The following POLRMT variants were observed in gnomAD, a reference collection of about 807,000 sequenced individuals.
POLRMT encodes the protein DNA-directed RNA polymerase, mitochondrial.
POLRMT carries 114 observed loss-of-function variants against 132.2 expected under a neutral mutation model. The ratio of observed to expected loss-of-function variants is 0.86; its 90% CI spans 0.74 to 1.01. POLRMT has a LOEUF of 1.01. POLRMT is among the 50% of genes least tolerant of loss of function. POLRMT has a pLI of 0.00. For synonymous variants in POLRMT, 1,020 were observed against 773.4 expected, an observed-to-expected ratio of 1.32 and a Z score of -5.29; for missense variants, 2,003 against 1,729.1, an observed-to-expected ratio of 1.16 and a Z score of -2.81.
chr19:621,703 G>A lies in POLRMT; in HGVS notation c.1995C>T (p.Leu665=), dbSNP rs373851502. 129 of 1,589,912 alleles carry A rather than the reference G, an allele frequency of 8.1e-5. No homozygotes were observed. In the Middle Eastern group the frequency reaches 1.3e-3, roughly 16 times the overall value. Residue 665 remains leucine (L), a synonymous_variant, in exon 10 of 21, where the codon CTC becomes CTT. Transcript: ENST00000588649. ...CCGTGCGCATCAGCTTGGTGGGGCT[G>A]AGCAGGAAAGCACCAGAGTGCGGCG... ...WTSPHSGAFL[L]SPTKLMRTVE...
intron 2 of POLRMT, among the ~76,000 whole-genome samples, chr19:631,131 C>T (rs1459355919): frequency 6.6e-6 from 1 of 151,680 alleles, no homozygotes; most frequent in Admixed American, 6.6e-5. Context: ...TGAACTCCAG[C>T]CTGGGCAACA....
intron 11 of POLRMT, 67 bp from the exon 12 acceptor site, chr19:620,147 C>A (rs868697454): frequency 2.0e-6 from 3 of 1,519,724 alleles, no homozygotes; most frequent in Middle Eastern, 1.7e-4. Flanking sequence ...CCCCAAACCA[C>A]CCCCCAGGTC....
chr19:618,627 A>T, intron 16 of POLRMT, 41 bp from the exon 17 acceptor site: 1 of 1,593,148 alleles, frequency 6.3e-7, no homozygotes, highest in East Asian at 2.3e-5. Flanking sequence ...GCCCAGGGAC[A>T]CCCCTAACTG....
In POLRMT at chr19:621,421, G is replaced by C; in HGVS notation, c.2277C>G (p.Arg759=). 6.7e-7 allele frequency: 1 copy of C among 1,486,490 alleles called. No individual in the cohort carries two copies. The highest frequency in any genetic ancestry group is 8.9e-7 in the Non-Finnish European group (1 of 1,123,324). 92.1% of individuals were successfully genotyped at this position (1,486,490 alleles called of 1,614,324 possible). ...CCTTCTGGCAGTGCGCCAGCTCACG[G>C]CGCAGCTCGGCCTTGCGGGCGGGCG... ...SAAPARKAEL[R]RELAHCQKVA... Residue 759 remains arginine (R), a synonymous_variant, in exon 10 of 21, where the codon CGC becomes CGG. Transcript: ENST00000588649.
chr19:630,609 A>G (rs541109462), intron 2 of POLRMT, among the ~76,000 whole-genome samples: 2 of 152,008 alleles, frequency 1.3e-5, no homozygotes, highest in East Asian at 3.9e-4. Flanking sequence ...GCCTCTGCAC[A>G]GACTCCCAGG....
Position 625,211 on chromosome 19 carries a change from T to C in POLRMT, c.866A>G (p.Asp289Gly). The C allele has an allele frequency of 6.2e-7, 1 of 1,614,034 alleles. No homozygotes were observed. Among genetic ancestry groups the C allele is most frequent in the Non-Finnish European group, 8.5e-7 (1 of 1,179,990 alleles). Reference sequence around the variant, plus strand: ...CAGCAGGTCCGGAGTCAAGCCGGCATCCTTCACCATGAATAACACATATAC... The same window carrying C: ...CAGCAGGTCCGGAGTCAAGCCGGCACCCTTCACCATGAATAACACATATAC... ...ELVYVLFMVKDAGLTPDLLSY... is the reference protein window; with the variant it reads ...ELVYVLFMVKGAGLTPDLLSY... Residue 289 changes from aspartate (D) to glycine (G), a missense_variant, in exon 4 of 21, where the codon GAT (aspartate) becomes GGT (glycine). Coordinates refer to ENST00000588649, the MANE Select transcript of POLRMT (RefSeq NM_005035.4).
rs756499097 is a variant in POLRMT at position 625,163 on chromosome 19, C to T, written c.914G>A (p.Cys305Tyr). The change falls in exon 4 of 21, where the codon TGC (cysteine) becomes TAC (tyrosine). Residue 305 changes from cysteine (C) to tyrosine (Y), a missense_variant. Cys to Tyr is a radical substitution (Grantham distance 194). Coordinates refer to ENST00000588649, the MANE Select transcript of POLRMT (RefSeq NM_005035.4). ...DLLSYAAALQ[C>Y]MGRQDQDAGT... ...GGCGTCCTGGTCCTGCCTCCCCATG[C>T]ACTGGAGGGCAGCCGCATAGGACAG... The T allele has an allele frequency of 7.4e-6, 12 of 1,613,828 alleles. No homozygotes were observed. In the African/African-American group the frequency reaches 1.6e-4, roughly 22 times the overall value.
In POLRMT at chr19:621,857, A is replaced by G; in HGVS notation, c.1852-11T>C. The G allele has an allele frequency of 3.1e-6, 5 of 1,600,926 alleles. No individual in the cohort carries two copies. Among genetic ancestry groups the G allele is most frequent in the Non-Finnish European group, 4.2e-6 (5 of 1,179,686 alleles). On this transcript the variant is annotated splice_polypyrimidine_tract_variant and intron_variant, in intron 9 of 20. Transcript: ENST00000588649. ...CTTCAGGATGCCGATCTGGGGTGCG[A>G]CAGGCAGACGGGTCAGGGCCCCGGT...
intron 1 of POLRMT, 153 bp downstream of exon 1, chr19:633,272 C>G (rs1985561297): frequency 1.0e-6 from 1 of 970,082 alleles, no homozygotes; most frequent in Non-Finnish European, 1.4e-6. Context: ...AGTCGAAAAG[C>G]GGGCAAGGGC....
chr19:622,241 T>C lies in POLRMT; in HGVS notation c.1759A>G (p.Thr587Ala). The C allele has an allele frequency of 1.9e-6, 3 of 1,561,114 alleles. No homozygotes were observed. Among genetic ancestry groups the C allele is most frequent in the Non-Finnish European group, 2.6e-6 (3 of 1,154,944 alleles). ...KLLAEMLVQA[T>A]QMPCSLDKPH... ...TTGTCCAGGCTGCATGGCATCTGCG[T>C]AGCCTGCACCAGCATCTCCGCCAGC... is the stretch of plus-strand genomic sequence containing the variant. The change falls in exon 9 of 21, where the codon ACG becomes GCG. Residue 587 changes from threonine (T) to alanine (A), a missense_variant. Physicochemically the swap from Thr to Ala is moderately conservative, Grantham distance 58. Coordinates refer to ENST00000588649, the MANE Select transcript of POLRMT (RefSeq NM_005035.4).
rs753504545 is a variant in POLRMT at position 619,069 on chromosome 19, G to A, written c.3195C>T (p.Gly1065=). 28 of 1,610,612 alleles carry A rather than the reference G, an allele frequency of 1.7e-5. No homozygotes were observed. Among genetic ancestry groups the A allele is most frequent in the Middle Eastern group, 1.7e-4 (1 of 5,966 alleles). The change falls in exon 15 of 21, where the codon GGC becomes GGT. Residue 1065 remains glycine, a synonymous_variant. Transcript: ENST00000588649. ...GGGGTGTGACCCACTCCACCACAGAGCCCATGTGGGAGATGAGGCGGGCAC... is the reference window on the plus strand; with the variant it reads ...GGGGTGTGACCCACTCCACCACAGAACCCATGTGGGAGATGAGGCGGGCAC... The part of the protein sequence containing the change: ...TESARLISHM[G]SVVEWVTPLG...
At position 618,699 on chromosome 19, in the gene POLRMT, A is replaced by G; in HGVS notation, c.3323+6T>C. On this transcript the variant is annotated splice_donor_region_variant and intron_variant, in intron 16 of 20. Transcript: ENST00000588649. ...GGCCAGGCCCCAGCCCGGGCCCCCC[A>G]CTCACCGGCTGATGTCTCCGTTGTG... The G allele has an allele frequency of 6.2e-7, 1 of 1,606,350 alleles. No homozygotes were observed. The highest frequency in any genetic ancestry group is 1.3e-5 in the African/African-American group (1 of 74,784).
At position 617,226 on chromosome 19, in the gene POLRMT, G is replaced by C. The variant is rs757788612; in HGVS notation, c.*48C>G. On this transcript the variant is annotated 3_prime_UTR_variant, in exon 21 of 21. Transcript: ENST00000588649. ...CCCTTCCTGAAGACAGTGGCTCCTG[G>C]GGGTGGCAAAAGAGCTTTATTTACA... is the stretch of plus-strand genomic sequence containing the variant. 1.1e-5 allele frequency: 18 copies of C among 1,601,564 alleles called. No individual in the cohort carries two copies. Among genetic ancestry groups the C allele is most frequent in the Non-Finnish European group, 1.5e-5 (17 of 1,170,954 alleles).
chr19:622,451 G>C, intron 8 of POLRMT, 78 bp from the exon 9 acceptor site: 1 of 1,463,152 alleles, frequency 6.8e-7, no homozygotes, highest in Non-Finnish European at 9.1e-7. Flanking sequence ...CTGACGCCCG[G>C]TGGGGCATCT....
At chr19:632,563 C>A (rs1985501729) in intron 2 of POLRMT, among the ~76,000 whole-genome samples, 1 of 151,170 alleles carries the variant, frequency 6.6e-6, no homozygotes, top group Non-Finnish European at 1.5e-5. Flanking sequence ...CAGACATAAT[C>A]TTGGGCCTCA....
intron 5 of POLRMT, among the ~76,000 whole-genome samples, chr19:624,138 A>G (rs1437419038): frequency 6.6e-6 from 1 of 152,230 alleles, no homozygotes; most frequent in African/African-American, 2.4e-5. Context: ...GCACCGGAGC[A>G]TGACTCAGCC....
rs761217365 is a variant in POLRMT, at chr19:617,806, G to C, written c.3466C>G (p.His1156Asp). The C allele has an allele frequency of 1.2e-6, 2 of 1,613,390 alleles. No individual in the cohort carries two copies. Among genetic ancestry groups the C allele is most frequent in the Non-Finnish European group, 1.7e-6 (2 of 1,179,938 alleles). The change falls in exon 18 of 21, where the codon CAC becomes GAC. Residue 1156 changes from histidine to aspartate, a missense_variant. Transcript: ENST00000588649. Reference protein sequence around the residue: ...FVSVHDCYWTHAADVSVMNQV... With the variant: ...FVSVHDCYWTDAADVSVMNQV... ...TTCATGACGGAGACATCAGCTGCGT[G>C]AGTCCAGTAACAGTCGTGCACAGAG...
chr19:630,934 G>T (rs907138101), intron 2 of POLRMT, among the ~76,000 whole-genome samples: 2 of 152,164 alleles, frequency 1.3e-5, no homozygotes, highest in African/African-American at 4.8e-5. Context: ...GAGGCAGGAA[G>T]ATCACCTAAG....
At chr19:617,688 T>G in intron 18 of POLRMT, 33 bp from the exon 19 acceptor site, 1 of 1,611,940 alleles carries the variant, frequency 6.2e-7, no homozygotes, top group South Asian at 1.1e-5. Flanking sequence ...CCAGGGGTGA[T>G]CAGGCAGGCT....
Sources: allele counts gnomAD v4.1 joint callset (sites outside exome capture counted in the v4.1 genomes callset), GRCh38; gene constraint gnomAD v4.1.1; transcripts MANE v1.5; gene names NCBI Gene and HGNC (gene_info 2026-07-23, HGNC 2026-07-21).